CREB5: variants seen among roughly 807,000 people sequenced by gnomAD.
CREB5 encodes the protein cAMP responsive element binding protein 5.
In CREB5, 19 loss-of-function variants were observed where a neutral mutation model predicts 57.1. That is an observed-to-expected ratio of 0.33 (90% CI 0.23 to 0.49). The LOEUF (loss-of-function observed/expected upper bound fraction) is 0.49. CREB5 is among the 20% of genes least tolerant of loss of function. CREB5 has a pLI of 0.99. For missense variants in CREB5, 579 were observed against 671.6 expected (o/e 0.86, Z 1.52); for synonymous variants, 238 against 238.3 (o/e 1.00, Z 0.01).
rs118019919 is a variant in CREB5 at position 28,434,632 on chromosome 7, A to T, written c.3+21715A>T. Among the ~76,000 whole-genome samples, 1,446 of 152,314 alleles carry T rather than the reference A, an allele frequency of 9.5e-3. 15 individuals are homozygous for T. The highest frequency in any genetic ancestry group is 0.013 in the Non-Finnish European group (874 of 68,014). ...ATTTGAGGCTGTTGATTTTTAAACCACATTAACTACTTTTTCCTTCAATGT... is the reference window on the plus strand; with the variant it reads ...ATTTGAGGCTGTTGATTTTTAAACCTCATTAACTACTTTTTCCTTCAATGT... On this transcript the variant is annotated intron_variant, in intron 1 of 10. Transcript: ENST00000357727.
chr7:28,436,539 A>G (rs1400565188), intron 1 of CREB5, among the ~76,000 whole-genome samples: 1 of 152,152 alleles, frequency 6.6e-6, no homozygotes, highest in African/African-American at 2.4e-5. Flanking sequence ...TAAAACCACT[A>G]AATTCCTTTT....
intron 7 of CREB5, among the ~76,000 whole-genome samples, chr7:28,788,830 TAA>T (rs11403343): frequency 1.4e-4 from 19 of 136,980 alleles, no homozygotes; most frequent in Admixed American, 2.9e-4. Context: ...TCTTCTGGTT[TAA>T]AAAAAAAAAA....
At chr7:28,731,192 G>A (rs538567996) in intron 7 of CREB5, among the ~76,000 whole-genome samples, 4 of 152,226 alleles carry the variant, frequency 2.6e-5, no homozygotes, top group South Asian at 2.1e-4. Context: ...GAAGTATGAC[G>A]TTTTATATGC....
chr7:28,414,505 T>C (rs942280490), intron 1 of CREB5, among the ~76,000 whole-genome samples: 8 of 152,186 alleles, frequency 5.3e-5, no homozygotes, highest in African/African-American at 1.9e-4. Context: ...TTGCCTTAAA[T>C]ATCTAAGTGT....
At chr7:28,360,811 T>C (rs1262289812) in intron 1 of CREB5, among the ~76,000 whole-genome samples, 2 of 152,242 alleles carry the variant, frequency 1.3e-5, no homozygotes, top group East Asian at 3.8e-4. Context: ...GTTTGTGTTC[T>C]GGGTTGGTAC....
chr7:28,313,396 T>A (rs1785316105), intron 1 of CREB5, among the ~76,000 whole-genome samples: 1 of 152,236 alleles, frequency 6.6e-6, no homozygotes, highest in South Asian at 2.1e-4. Flanking sequence ...ACAGTAGAGT[T>A]AAATTTTATT....
intron 1 of CREB5, among the ~76,000 whole-genome samples, chr7:28,353,249 A>C (rs1786270207): frequency 6.6e-6 from 1 of 151,950 alleles, no homozygotes. Context: ...CGCCCAGCTA[A>C]TTTTTGTATT....
intron 5 of CREB5, among the ~76,000 whole-genome samples, chr7:28,679,102 A>G (rs1800469590): frequency 7.1e-6 from 1 of 141,492 alleles, no homozygotes; most frequent in Non-Finnish European, 1.5e-5. Flanking sequence ...GAAAACAGCC[A>G]GCGGAGTATA....
At chr7:28,314,247 A>G (rs1785335279) in intron 1 of CREB5, among the ~76,000 whole-genome samples, 1 of 152,226 alleles carries the variant, frequency 6.6e-6, no homozygotes. Flanking sequence ...AAAGCACAAC[A>G]GTCCTGTTAA....
intron 1 of CREB5, among the ~76,000 whole-genome samples, chr7:28,334,989 C>G (rs1356220804): frequency 2.0e-5 from 3 of 152,080 alleles, no homozygotes; most frequent in Non-Finnish European, 1.5e-5. Context: ...TCTTGTCACT[C>G]TCATCCAAAA....
At chr7:28,336,986 A>G (rs1234408753) in intron 1 of CREB5, among the ~76,000 whole-genome samples, 1 of 152,012 alleles carries the variant, frequency 6.6e-6, no homozygotes, top group Non-Finnish European at 1.5e-5. Context: ...TTTAATTTCC[A>G]TGTGTTTTTA....
At chr7:28,556,625 TA>T (rs1794891703) in intron 4 of CREB5, among the ~76,000 whole-genome samples, 1 of 152,178 alleles carries the variant, frequency 6.6e-6, no homozygotes. Context: ...GGTGATAAAA[TA>T]AAAATAACCT....
chr7:28,653,533 T>C (rs1799222170), intron 5 of CREB5, among the ~76,000 whole-genome samples: 1 of 152,226 alleles, frequency 6.6e-6, no homozygotes, highest in African/African-American at 2.4e-5. Context: ...AGTTTACTAC[T>C]CAACCAAGAG....
chr7:28,662,613 A>G (rs1799654372), intron 5 of CREB5, among the ~76,000 whole-genome samples: 1 of 152,144 alleles, frequency 6.6e-6, no homozygotes, highest in African/African-American at 2.4e-5. Context: ...ACGATGAGCT[A>G]CTCAACCCCC....
intron 8 of CREB5, 57 bp downstream of exon 8, chr7:28,804,579 C>T (rs561333978): frequency 1.5e-5 from 23 of 1,569,528 alleles, no homozygotes; most frequent in South Asian, 3.5e-5. Context: ...ACAGTGCAAG[C>T]TCTAATGCTG....
At chr7:28,744,777 T>A (rs191765403) in intron 7 of CREB5, among the ~76,000 whole-genome samples, 428 of 152,364 alleles carry the variant, frequency 2.8e-3, no homozygotes, top group African/African-American at 9.9e-3. Context: ...AGCAGTTTCC[T>A]AAACTGAAGA....
chr7:28,619,396 A>T (rs1797711555), intron 5 of CREB5, among the ~76,000 whole-genome samples: 1 of 152,242 alleles, frequency 6.6e-6, no homozygotes, highest in Non-Finnish European at 1.5e-5. Flanking sequence ...TCTGCTGGAC[A>T]AATGTCTTCT....
At chr7:28,446,822 G>A (rs1386329480) in intron 1 of CREB5, among the ~76,000 whole-genome samples, 1 of 151,978 alleles carries the variant, frequency 6.6e-6, no homozygotes, top group East Asian at 1.9e-4. Flanking sequence ...AAAAGTAAAA[G>A]AATAATTGTC....
chr7:28,347,888 C>G (rs756071721), intron 1 of CREB5, among the ~76,000 whole-genome samples: 20 of 152,158 alleles, frequency 1.3e-4, no homozygotes, highest in Non-Finnish European at 1.9e-4. Flanking sequence ...ATAATTCAAA[C>G]CACTTGTAAG....
Sources: allele counts gnomAD v4.1 joint callset (sites outside exome capture counted in the v4.1 genomes callset), GRCh38; gene constraint gnomAD v4.1.1; transcripts MANE v1.5; gene names NCBI Gene and HGNC (gene_info 2026-07-23, HGNC 2026-07-21).